Variants in PLEKHA6 observed in about 807,000 individuals in gnomAD.
The protein encoded by PLEKHA6 is pleckstrin homology domain containing A6, also known as pleckstrin homology domain-containing family A member 6.
A neutral mutation model predicts 116.7 loss-of-function variants in PLEKHA6; 60 were observed. The observed-to-expected ratio is 0.51, with a 90% CI of 0.42 to 0.64. The LOEUF is 0.64. PLEKHA6 is among the 30% of genes least tolerant of loss of function. PLEKHA6 has a pLI of 0.00. For missense variants in PLEKHA6, 1,338 were observed against 1,422.7 expected, an observed-to-expected ratio of 0.94 and a Z score of 0.96; for synonymous variants, 489 against 556.1, an observed-to-expected ratio of 0.88 and a Z score of 1.70.
intron 3 of PLEKHA6, among the ~76,000 whole-genome samples, chr1:204,272,405 C>T (rs1667558718): frequency 6.6e-6 from 1 of 152,152 alleles, no homozygotes; most frequent in Admixed American, 6.5e-5. Context: ...CATCTTAAAA[C>T]AAAACCAACA....
chr1:204,302,476 C>T (rs1191011443), intron 1 of PLEKHA6, among the ~76,000 whole-genome samples: 1 of 152,216 alleles, frequency 6.6e-6, no homozygotes, highest in Non-Finnish European at 1.5e-5. Flanking sequence ...TTTAGCTGTA[C>T]TCCCTAATGC....
rs1218343102 is a variant in PLEKHA6 at position 204,219,635 on chromosome 1, G to A, written c.*3153C>T. The A allele has an allele frequency of 6.6e-6, 1 of 152,230 alleles. No individual in the cohort carries two copies. Among genetic ancestry groups the A allele is most frequent in the African/African-American group, 2.4e-5 (1 of 41,454 alleles). 9.4% of individuals were successfully genotyped at this position (152,230 alleles called of 1,614,324 possible). ...GTAAATGCCCCAGGTGGGAGGCCAG[G>A]CTTCAAACGCTGGCCAGGAGCTCTG... On this transcript the variant is annotated 3_prime_UTR_variant, in exon 23 of 23. Transcript: ENST00000272203.
intron 6 of PLEKHA6, among the ~76,000 whole-genome samples, chr1:204,264,297 G>T (rs1666509645): frequency 6.6e-6 from 1 of 152,162 alleles, no homozygotes; most frequent in Non-Finnish European, 1.5e-5. Context: ...TGAGCCAGCT[G>T]CAGGCACATC....
rs778849227 is a variant in PLEKHA6, at chr1:204,250,589, C to T, written c.1550G>A (p.Arg517Gln). The T allele has an allele frequency of 1.9e-5, 30 of 1,612,848 alleles. No individual in the cohort carries two copies. The highest frequency in any genetic ancestry group is 1.6e-4 in the Middle Eastern group (1 of 6,080). ...TAACTTGTAGGTGTGGAGGCTGTCC[C>T]GGAACACTTCTGGGTATGGAGGGAC... ...PKVPPYPEVF[R>Q]DSLHTYKLNE... The change falls in exon 10 of 23, where the codon CGG becomes CAG. Residue 517 changes from arginine to glutamine, a missense_variant. This residue lies in a region of PLEKHA6 where 1,136 missense variants were observed against 1,163.6 expected (regional missense o/e 0.98). Coordinates refer to ENST00000272203, the MANE Select transcript of PLEKHA6 (RefSeq NM_014935.5).
chr1:204,257,456 A>T lies in PLEKHA6; in HGVS notation c.1421T>A (p.Val474Asp), dbSNP rs774433154. The change falls in exon 9 of 23, where the codon GTC becomes GAC. Residue 474 changes from valine (V) to aspartate (D), a missense_variant. Around this residue, in one of 3 missense-constraint regions of PLEKHA6, gnomAD observed 1,136 missense variants for 1,163.6 expected, o/e 0.98. Transcript: ENST00000272203. The surrounding 1 kb of genome is among the most constrained non-coding windows in gnomAD (Gnocchi z 6.5). Reference protein sequence around the residue: ...SYSRARIYSPVRSPSARFERL... With the variant: ...SYSRARIYSPDRSPSARFERL... ...CTCAAAACGGGCACTGGGTGAGCGG[A>T]CAGGGGAGTAAATGCGGGCACGGCT... 9.5e-6 allele frequency: 15 copies of T among 1,570,960 alleles called. No homozygotes were observed. Among genetic ancestry groups the T allele is most frequent in the Non-Finnish European group, 1.3e-5 (15 of 1,156,864 alleles).
intron 1 of PLEKHA6, among the ~76,000 whole-genome samples, chr1:204,308,517 T>C (rs1044556301): frequency 2.0e-5 from 3 of 151,952 alleles, no homozygotes; most frequent in Admixed American, 6.5e-5. Context: ...TTAACCTCTC[T>C]GAGCTTCAGT....
chr1:204,255,785 A>G, intron 9 of PLEKHA6: 1 of 672,250 alleles, frequency 1.5e-6, no homozygotes, highest in Non-Finnish European at 2.7e-6. Flanking sequence ...GTTAGCGACA[A>G]GGACAAGGAG....
At position 204,347,068 on chromosome 1, in the gene PLEKHA6, A is replaced by G; in HGVS notation, c.-95+12626T>C. 3.5e-6 allele frequency: 5 copies of G among 1,429,566 alleles called. No individual in the cohort carries two copies. The South Asian group carries it at 5.7e-5, about 16-fold the overall frequency. The allele number at this position is 1,429,566 out of a possible 1,614,324, so 88.6% of individuals were successfully genotyped here. A position where few individuals can be genotyped will look rare whatever the true frequency, so the allele number is the denominator to read the frequency against. On this transcript the variant is annotated intron_variant, in intron 1 of 22. Transcript: ENST00000272203. ...AACAGCATGCTGGGTAACATTGTAG[A>G]CTCTTCCAGTTTTGCCGTGGTAACG...
chr1:204,335,586 A>G (rs1672619118), intron 1 of PLEKHA6, among the ~76,000 whole-genome samples: 1 of 152,084 alleles, frequency 6.6e-6, no homozygotes, highest in Non-Finnish European at 1.5e-5. Context: ...GAAGACATTG[A>G]GGGAACACCA....
intron 1 of PLEKHA6, among the ~76,000 whole-genome samples, chr1:204,329,548 A>G (rs1208967708): frequency 3.3e-5 from 5 of 152,274 alleles, no homozygotes; most frequent in African/African-American, 1.2e-4. Flanking sequence ...ACACAAAAAA[A>G]GAGACAACCA....
chr1:204,235,604 G>T (rs1462446414), intron 17 of PLEKHA6, among the ~76,000 whole-genome samples: 1 of 152,170 alleles, frequency 6.6e-6, no homozygotes, highest in Non-Finnish European at 1.5e-5. Flanking sequence ...GCACAGCCTT[G>T]CCAGGCGTCT....
chr1:204,265,068 G>T (rs1418924209), intron 5 of PLEKHA6, 26 bp from the exon 6 acceptor site: 1 of 1,308,750 alleles, frequency 7.6e-7, no homozygotes, highest in Non-Finnish European at 1.1e-6. Flanking sequence ...GCACAAGAAG[G>T]GTGTGTGTGT....
chr1:204,313,658 C>A, intron 1 of PLEKHA6: 1 of 984,988 alleles, frequency 1.0e-6, no homozygotes, highest in Non-Finnish European at 1.2e-6. Flanking sequence ...ACCTCCATGC[C>A]CCCATCCTCA....
At chr1:204,240,966 C>T (rs1374116416) in intron 17 of PLEKHA6, among the ~76,000 whole-genome samples, 2 of 152,282 alleles carry the variant, frequency 1.3e-5, no homozygotes. Flanking sequence ...ACATTTTTCT[C>T]CCGTGCTGGA....
At chr1:204,373,686 T>G (rs1249415586) in intron 1 of PLEKHA6, among the ~76,000 whole-genome samples, 1 of 152,268 alleles carries the variant, frequency 6.6e-6, no homozygotes, top group African/African-American at 2.4e-5. Flanking sequence ...AAAGCTACTA[T>G]GAACATTTGT....
chr1:204,348,968 G>C (rs144752365), intron 1 of PLEKHA6, among the ~76,000 whole-genome samples: 1 of 152,326 alleles, frequency 6.6e-6, no homozygotes, highest in African/African-American at 2.4e-5. Context: ...AACCAGAACA[G>C]CTTGTCGGGA....
intron 3 of PLEKHA6, among the ~76,000 whole-genome samples, chr1:204,271,751 T>C (rs1339228164): frequency 2.0e-5 from 3 of 152,200 alleles, no homozygotes; most frequent in South Asian, 2.1e-4. Context: ...GCTATGAGCA[T>C]GCTGGAGGAA....
intron 6 of PLEKHA6, among the ~76,000 whole-genome samples, chr1:204,264,075 TATCATAGCTTTG>T (rs1467939337): frequency 1.3e-5 from 2 of 152,184 alleles, no homozygotes; most frequent in Non-Finnish European, 2.9e-5. Flanking sequence ...AGTCATCTAA[TATCATAGCTTTG>T]AAGGGTCTTG....
chr1:204,234,627 G>T (rs574979921), intron 17 of PLEKHA6, among the ~76,000 whole-genome samples: 18 of 152,202 alleles, frequency 1.2e-4, no homozygotes, highest in Admixed American at 6.5e-4. Context: ...ACAAAGTATT[G>T]ATCCTGGGTG....
Sources: gnomAD v4.1 joint callset for allele counts (sites outside exome capture counted in the v4.1 genomes callset) on GRCh38, gnomAD v4.1.1 for gene constraint, gnomAD v4.1.1 regional missense constraint, Gnocchi (gnomAD v3.1) non-coding constraint, MANE v1.5 for transcripts, NCBI Gene and HGNC (gene_info 2026-07-23, HGNC 2026-07-21) for gene names.